The following KCNQ3 variants were observed in gnomAD, a reference collection of about 807,000 sequenced individuals.
The protein encoded by KCNQ3 is potassium voltage-gated channel subfamily Q member 3, also known as potassium voltage-gated channel subfamily KQT member 3.
In KCNQ3, 30 loss-of-function variants were observed where a neutral mutation model predicts 92.5. That is an observed-to-expected ratio of 0.32 (90% CI 0.24 to 0.44). The LOEUF is 0.44. KCNQ3 is among the 20% of genes least tolerant of loss of function. The pLI, the probability that KCNQ3 is intolerant of heterozygous loss-of-function variation, is 1.00. For synonymous variants in KCNQ3, 450 were observed against 468.8 expected, an observed-to-expected ratio of 0.96 and a Z score of 0.52; for missense variants, 913 against 1,140.3, an observed-to-expected ratio of 0.80 and a Z score of 2.87.
chr8:132,446,789 C>T (rs144991821), intron 1 of KCNQ3, among the ~76,000 whole-genome samples: 5 of 152,218 alleles, frequency 3.3e-5, no homozygotes, highest in East Asian at 3.9e-4. Flanking sequence ...TTATCCCAGG[C>T]GACGGGAGGA....
At chr8:132,339,323 C>T (rs183631358) in intron 1 of KCNQ3, among the ~76,000 whole-genome samples, 164 of 152,308 alleles carry the variant, frequency 1.1e-3, no homozygotes, top group Non-Finnish European at 2.0e-3. Flanking sequence ...TTCATTCATT[C>T]CACCAACTCG....
intron 1 of KCNQ3, among the ~76,000 whole-genome samples, chr8:132,291,001 A>T (rs1816820191): frequency 6.6e-6 from 1 of 152,214 alleles, no homozygotes; most frequent in South Asian, 2.1e-4. Context: ...ACGAGATTTC[A>T]AGAAGTGCTG....
intron 1 of KCNQ3, among the ~76,000 whole-genome samples, chr8:132,192,473 G>C (rs1002067069): frequency 3.3e-5 from 5 of 152,168 alleles, no homozygotes; most frequent in African/African-American, 1.2e-4. Context: ...AGATTCTCCT[G>C]GGGGTCTTGA....
intron 1 of KCNQ3, among the ~76,000 whole-genome samples, chr8:132,203,276 T>C (rs1340501728): frequency 2.6e-5 from 4 of 152,096 alleles, no homozygotes; most frequent in African/African-American, 9.7e-5. Context: ...ATTTAAACCA[T>C]AGCATGATAC....
intron 1 of KCNQ3, among the ~76,000 whole-genome samples, chr8:132,199,290 A>G (rs1217827332): frequency 6.6e-6 from 1 of 152,248 alleles, no homozygotes; most frequent in East Asian, 1.9e-4. Context: ...ATTGTATTAT[A>G]TAATTTGGCA....
At chr8:132,433,234 C>T (rs963468703) in intron 1 of KCNQ3, among the ~76,000 whole-genome samples, 1 of 152,148 alleles carries the variant, frequency 6.6e-6, no homozygotes, top group African/African-American at 2.4e-5. Flanking sequence ...CAACCCCACT[C>T]ATCTGGATCA....
At chr8:132,398,262 T>C (rs997484081) in intron 1 of KCNQ3, among the ~76,000 whole-genome samples, 1 of 152,204 alleles carries the variant, frequency 6.6e-6, no homozygotes, top group Non-Finnish European at 1.5e-5. Flanking sequence ...CCTCTTCAAC[T>C]AGTTGGTTAA....
chr8:132,134,369 G>C lies in KCNQ3; in HGVS notation c.1720C>G (p.Pro574Ala). The C allele has an allele frequency of 6.2e-7, 1 of 1,612,952 alleles. No individual in the cohort carries two copies. Among genetic ancestry groups the C allele is most frequent in the East Asian group, 2.2e-5 (1 of 44,844 alleles). The change falls in exon 13 of 15, where the codon CCT becomes GCT. Residue 574 changes from proline (P) to alanine (A), a missense_variant. Around this residue, in one of 6 missense-constraint regions of KCNQ3, gnomAD observed 182 missense variants for 234.5 expected, o/e 0.78. Coordinates refer to ENST00000388996, the MANE Select transcript of KCNQ3 (RefSeq NM_004519.4). Reference sequence around the variant, plus strand: ...TGTTTTGGCGTGGAGGGAGGTCCAGGGGTGAAAATCATATCTATTCTGAAA... The same window carrying C: ...TGTTTTGGCGTGGAGGGAGGTCCAGCGGTGAAAATCATATCTATTCTGAAA... ...LQTRIDMIFT[P>A]GPPSTPKHKK... is the part of the protein sequence containing the mutation.
chr8:132,339,267 T>C (rs1293793328), intron 1 of KCNQ3, among the ~76,000 whole-genome samples: 1 of 152,186 alleles, frequency 6.6e-6, no homozygotes, highest in Non-Finnish European at 1.5e-5. Flanking sequence ...ATCTATGTTG[T>C]ATATCATTTT....
chr8:132,458,346 C>T lies in KCNQ3; in HGVS notation c.386+21801G>A, dbSNP rs556119072. Among the ~76,000 whole-genome samples, 155 of 152,380 alleles carry T rather than the reference C, an allele frequency of 1.0e-3. 1 individual carries two copies. Among genetic ancestry groups the T allele is most frequent in the Non-Finnish European group, 1.9e-4 (13 of 68,038 alleles). ...CTTTAGCATTGCAGTGGGCCAGGCC[C>T]ATGAAGGCATCCAAGCTTCCAGAAC... On this transcript the variant is annotated intron_variant, in intron 1 of 14. Coordinates refer to ENST00000388996, the MANE Select transcript of KCNQ3 (RefSeq NM_004519.4).
At chr8:132,476,004 C>G (rs1210098920) in intron 1 of KCNQ3, among the ~76,000 whole-genome samples, 1 of 152,232 alleles carries the variant, frequency 6.6e-6, no homozygotes, top group East Asian at 1.9e-4. Context: ...CCCAGCCGCT[C>G]CAGTTCCAGC....
intron 1 of KCNQ3, among the ~76,000 whole-genome samples, chr8:132,290,487 C>A (rs1200489963): frequency 6.6e-6 from 1 of 152,050 alleles, no homozygotes; most frequent in South Asian, 2.1e-4. Flanking sequence ...TTGGTTGCAG[C>A]GTGGAGTTTC....
chr8:132,220,888 C>T (rs1814205183), intron 1 of KCNQ3, among the ~76,000 whole-genome samples: 2 of 151,932 alleles, frequency 1.3e-5, no homozygotes, highest in African/African-American at 4.8e-5. Context: ...TATAGGTATA[C>T]ATGTGCCATG....
chr8:132,411,116 A>G (rs980178865), intron 1 of KCNQ3, among the ~76,000 whole-genome samples: 1 of 152,244 alleles, frequency 6.6e-6, no homozygotes, highest in Non-Finnish European at 1.5e-5. Flanking sequence ...CTGAAAACCC[A>G]TTGTGAGAAC....
At chr8:132,463,643 G>C (rs781624960) in intron 1 of KCNQ3, among the ~76,000 whole-genome samples, 1 of 152,114 alleles carries the variant, frequency 6.6e-6, no homozygotes, top group African/African-American at 2.4e-5. Context: ...CAGGTGACTC[G>C]GGCCAGGCAG....
At chr8:132,146,739 T>C (rs1431686949) in intron 9 of KCNQ3, among the ~76,000 whole-genome samples, 1 of 150,810 alleles carries the variant, frequency 6.6e-6, no homozygotes. Flanking sequence ...CAGGTGCTCA[T>C]CACCACACCT....
At chr8:132,262,813 G>C (rs2130475198) in intron 1 of KCNQ3, among the ~76,000 whole-genome samples, 1 of 152,158 alleles carries the variant, frequency 6.6e-6, no homozygotes, top group Admixed American at 6.5e-5. Flanking sequence ...TGGGTTTTCT[G>C]TTTTATATGT....
At chr8:132,211,045 C>A (rs181383457) in intron 1 of KCNQ3, among the ~76,000 whole-genome samples, 1 of 152,332 alleles carries the variant, frequency 6.6e-6, no homozygotes, top group East Asian at 1.9e-4. Context: ...TCTGCACAGG[C>A]CTGCCTTGTC....
chr8:132,173,474 C>T (rs61080577), intron 6 of KCNQ3, among the ~76,000 whole-genome samples: 2,847 of 152,062 alleles, frequency 0.019, 93 homozygotes, highest in African/African-American at 0.064. Context: ...GATTAAGAGC[C>T]AGGTTTTAGA....
Sources: allele counts gnomAD v4.1 joint callset (sites outside exome capture counted in the v4.1 genomes callset), GRCh38; gene constraint gnomAD v4.1.1; regional missense constraint gnomAD v4.1.1; transcripts MANE v1.5; gene names NCBI Gene and HGNC (gene_info 2026-07-23, HGNC 2026-07-21).